SNX9: variants seen among roughly 807,000 people sequenced by gnomAD.
The protein encoded by SNX9 is sorting nexin-9.
Under a neutral mutation model 89.4 loss-of-function variants are expected in SNX9, and 44 were observed. The ratio of observed to expected loss-of-function variants is 0.49; its 90% CI spans 0.39 to 0.63. The LOEUF (loss-of-function observed/expected upper bound fraction) is 0.63, where lower values mean the gene tolerates loss of function less well. SNX9 is among the 30% of genes least tolerant of loss of function. SNX9 has a pLI of 0.00. For synonymous variants in SNX9, 236 were observed against 247.8 expected (o/e 0.95, Z 0.45); for missense variants, 578 against 736.1 (o/e 0.79, Z 2.49).
At chr6:157,848,045 C>T (rs144684306) in intron 1 of SNX9, among the ~76,000 whole-genome samples, 2 of 152,220 alleles carry the variant, frequency 1.3e-5, no homozygotes, top group African/African-American at 4.8e-5. Context: ...CTTACTCTGT[C>T]GCATCACCTG....
At chr6:157,854,549 C>T (rs1237363117) in intron 1 of SNX9, among the ~76,000 whole-genome samples, 1 of 152,198 alleles carries the variant, frequency 6.6e-6, no homozygotes, top group African/African-American at 2.4e-5. Flanking sequence ...CATGCAAACA[C>T]GTATGGCAAA....
At chr6:157,877,251 T>A (rs1029426449) in intron 4 of SNX9, among the ~76,000 whole-genome samples, 2 of 149,474 alleles carry the variant, frequency 1.3e-5, no homozygotes, top group African/African-American at 4.9e-5. Flanking sequence ...TCGTTTAGGT[T>A]ATTTAGAAGG....
chr6:157,899,643 A>G (rs61011738), intron 5 of SNX9, among the ~76,000 whole-genome samples: 5 of 152,176 alleles, frequency 3.3e-5, no homozygotes, highest in African/African-American at 1.2e-4. Flanking sequence ...GTGTGGTGGC[A>G]GGCGCCTGTA....
chr6:157,913,768 T>A (rs1222802893), intron 9 of SNX9, among the ~76,000 whole-genome samples: 1 of 152,222 alleles, frequency 6.6e-6, no homozygotes, highest in Non-Finnish European at 1.5e-5. Flanking sequence ...GTCTTTCGAG[T>A]CTGACTGCTT....
rs759618341 is a variant in SNX9, at chr6:157,932,245, A to G, written c.1339A>G (p.Thr447Ala). ...KIGKALQSLATVFSSSGYQGE... is the reference protein window; with the variant it reads ...KIGKALQSLAAVFSSSGYQGE... ...AGGAAAGGCCTTGCAGAGTTTGGCC[A>G]CAGTGTTCAGTTCCAGTGGCTATCA... The change falls in exon 13 of 18, where the codon ACA (threonine) becomes GCA (alanine). Residue 447 changes from threonine (T) to alanine (A), a missense_variant. Transcript: ENST00000392185. 2 of 1,614,202 alleles carry G rather than the reference A, an allele frequency of 1.2e-6. No homozygotes were observed. The highest frequency in any genetic ancestry group is 4.5e-5 in the East Asian group (2 of 44,876).
intron 4 of SNX9, among the ~76,000 whole-genome samples, chr6:157,878,905 G>A (rs1782571353): frequency 6.7e-6 from 1 of 148,942 alleles, no homozygotes; most frequent in African/African-American, 2.5e-5. Context: ...TAGGTAAAGT[G>A]TATAAACAGG....
intron 9 of SNX9, among the ~76,000 whole-genome samples, chr6:157,913,501 T>C (rs974344869): frequency 2.0e-5 from 3 of 152,166 alleles, no homozygotes; most frequent in Admixed American, 1.3e-4. Context: ...TCAGGTTTCA[T>C]TTTTTAAATT....
chr6:157,935,893 T>C (rs1056690841), intron 13 of SNX9, 71 bp from the exon 14 acceptor site: 22 of 1,069,398 alleles, frequency 2.1e-5, no homozygotes, highest in Non-Finnish European at 2.6e-5. Flanking sequence ...ATAAAATCAA[T>C]AATAAAATTT....
intron 1 of SNX9, among the ~76,000 whole-genome samples, chr6:157,855,083 T>A (rs1451131375): frequency 1.3e-5 from 2 of 152,170 alleles, no homozygotes; most frequent in East Asian, 3.8e-4. Context: ...TCTTTTACAT[T>A]GTTACCGAGA....
chr6:157,940,843 CTT>C (rs775795096), intron 16 of SNX9, 38 bp from the exon 17 acceptor site: 2 of 1,583,818 alleles, frequency 1.3e-6, no homozygotes, highest in Non-Finnish European at 8.7e-7. Context: ...CATTTGAAAA[CTT>C]GAGGGAAAAC....
Position 157,927,167 on chromosome 6 carries a change from A to G in SNX9, c.1137A>G (p.Ile379Met), listed in dbSNP as rs775531698. ...AERDELAGVM[I>M]FSTMEPEAPD... ...GAGATGAGCTGGCGGGAGTCATGAT[A>G]TTTTCCACCATGGAACCAGAGGCAC... Residue 379 changes from isoleucine to methionine, a missense_variant, in exon 11 of 18, where the codon ATA becomes ATG. Physicochemically the swap from Ile to Met is conservative, Grantham distance 10 (BLOSUM62 1). Coordinates refer to ENST00000392185, the MANE Select transcript of SNX9 (RefSeq NM_016224.5). The G allele has an allele frequency of 6.2e-7, 1 of 1,614,156 alleles. No individual in the cohort carries two copies. Among genetic ancestry groups the G allele is most frequent in the East Asian group, 2.2e-5 (1 of 44,882 alleles).
intron 1 of SNX9, among the ~76,000 whole-genome samples, chr6:157,842,561 A>G (rs968376277): frequency 6.6e-6 from 1 of 152,130 alleles, no homozygotes; most frequent in African/African-American, 2.4e-5. Context: ...TGGAGTTTTT[A>G]AAGATAATTT....
intron 1 of SNX9, among the ~76,000 whole-genome samples, chr6:157,846,901 G>A (rs1471254218): frequency 6.6e-6 from 1 of 152,084 alleles, no homozygotes; most frequent in Admixed American, 6.5e-5. Context: ...ACAAAAATTT[G>A]CTGGGCATGG....
chr6:157,843,872 CTTT>C (rs1006138414), intron 1 of SNX9, among the ~76,000 whole-genome samples: 4 of 120,716 alleles, frequency 3.3e-5, no homozygotes, highest in Non-Finnish European at 3.4e-5. Context: ...TCCCATTTGT[CTTT>C]TTTTTTTTTT....
intron 4 of SNX9, among the ~76,000 whole-genome samples, chr6:157,878,836 C>CTATT (rs1782569489): frequency 6.6e-6 from 1 of 152,108 alleles, no homozygotes; most frequent in African/African-American, 2.4e-5. Flanking sequence ...CAGGCTAATT[C>CTATT]CATTCATATA....
intron 12 of SNX9, among the ~76,000 whole-genome samples, chr6:157,929,461 T>C (rs548344181): frequency 6.6e-6 from 1 of 152,322 alleles, no homozygotes; most frequent in South Asian, 2.1e-4. Context: ...TTAACTCCCT[T>C]AGAGTCCTAG....
At chr6:157,936,496 G>A (rs558676060) in intron 14 of SNX9, among the ~76,000 whole-genome samples, 23 of 152,242 alleles carry the variant, frequency 1.5e-4, no homozygotes, top group African/African-American at 5.3e-4. Flanking sequence ...GTGACAGAGC[G>A]AGACCCTATC....
chr6:157,910,937 C>T (rs1057046018), intron 9 of SNX9, among the ~76,000 whole-genome samples: 18 of 152,036 alleles, frequency 1.2e-4, no homozygotes, highest in African/African-American at 4.3e-4. Flanking sequence ...CAGGCTAACA[C>T]GGTGTAACCC....
intron 1 of SNX9, among the ~76,000 whole-genome samples, chr6:157,865,477 G>A (rs753412212): frequency 5.4e-4 from 82 of 152,038 alleles, no homozygotes; most frequent in Non-Finnish European, 9.7e-4. Flanking sequence ...TGCTGGCCTG[G>A]GCGCCCTGCC....
Sources: gnomAD v4.1 joint callset for allele counts (sites outside exome capture counted in the v4.1 genomes callset) on GRCh38, gnomAD v4.1.1 for gene constraint, MANE v1.5 for transcripts, NCBI Gene and HGNC (gene_info 2026-07-23, HGNC 2026-07-21) for gene names.